The following BICD2 variants were observed in gnomAD, a reference collection of about 807,000 sequenced individuals.
BICD2 encodes the protein BICD cargo adaptor 2, also known as protein bicaudal D homolog 2.
BICD2 carries 25 observed loss-of-function variants against 72.9 expected under a neutral mutation model. The observed-to-expected ratio is 0.34, with a 90% CI of 0.25 to 0.48. The LOEUF (loss-of-function observed/expected upper bound fraction) is 0.48, where lower values mean the gene tolerates loss of function less well. Ranked by LOEUF, BICD2 falls within the 20% of genes least tolerant of loss-of-function variation. The probability of loss-of-function intolerance (pLI) is 0.99; values close to 1 mark genes in which losing one functional copy is unlikely to be tolerated. For missense variants in BICD2, 894 were observed against 1,175.2 expected (o/e 0.76, Z 3.50); for synonymous variants, 501 against 516.1 (o/e 0.97, Z 0.40).
intron 2 of BICD2, among the ~76,000 whole-genome samples, chr9:92,724,367 G>C (rs1853523763): frequency 6.6e-6 from 1 of 151,938 alleles, no homozygotes; most frequent in Non-Finnish European, 1.5e-5. Context: ...CCAAAACAAA[G>C]GAAAAAAGGA....
chr9:92,761,837 ACTAGC>A (rs1854378666), intron 1 of BICD2, among the ~76,000 whole-genome samples: 2 of 152,328 alleles, frequency 1.3e-5, no homozygotes, highest in Admixed American at 1.3e-4. Flanking sequence ...TCAAGAAATC[ACTAGC>A]AGAATGATTA....
intron 1 of BICD2, among the ~76,000 whole-genome samples, chr9:92,746,702 A>G (rs1385242530): frequency 1.3e-5 from 2 of 152,166 alleles, no homozygotes; most frequent in Admixed American, 1.3e-4. Context: ...TCATACAAGT[A>G]ACCGTCGTGA....
intron 1 of BICD2, among the ~76,000 whole-genome samples, chr9:92,733,891 C>T (rs944103466): frequency 5.3e-5 from 8 of 152,090 alleles, no homozygotes; most frequent in South Asian, 2.1e-4. Context: ...GGCGTGAACC[C>T]GGGAGGCGGA....
At position 92,719,213 on chromosome 9, in the gene BICD2, C is replaced by T. The variant is rs750611631; in HGVS notation, c.1432G>A (p.Gly478Ser). The change falls in exon 5 of 7, where the codon GGC becomes AGC. Residue 478 changes from glycine to serine, a missense_variant. By Grantham distance (56) the Gly-to-Ser change is moderately conservative. Around this residue, in one of 5 missense-constraint regions of BICD2, gnomAD observed 371 missense variants for 439.1 expected, o/e 0.84. Transcript: ENST00000356884. ...AEEKGRYEAE[G>S]QALTEKVSLL... ...GAGACCTTCTCCGTGAGTGCCTGGC[C>T]CTCAGCCTCATAGCGGCCCTTCTCC... 5.0e-6 allele frequency: 8 copies of T among 1,611,306 alleles called. No individual in the cohort carries two copies. In the Admixed American group the frequency reaches 1.3e-4, roughly 27 times the overall value.
At chr9:92,758,204 AAATAATAATAATAAT>A (rs147701766) in intron 1 of BICD2, among the ~76,000 whole-genome samples, 1 of 144,474 alleles carries the variant, frequency 6.9e-6, no homozygotes, top group East Asian at 2.0e-4. Context: ...ACTCTGTCTC[AAATAATAATAATAAT>A]AATAATAATA....
intron 1 of BICD2, among the ~76,000 whole-genome samples, chr9:92,735,381 T>C (rs1205521607): frequency 1.3e-5 from 2 of 151,868 alleles, no homozygotes; most frequent in Non-Finnish European, 2.9e-5. Flanking sequence ...GGGTAAGCTC[T>C]GGCCAGGAGG....
chr9:92,715,507 C>G, intron 6 of BICD2, 44 bp from the exon 7 acceptor site: 2 of 1,541,150 alleles, frequency 1.3e-6, no homozygotes, highest in Non-Finnish European at 1.8e-6. Context: ...CAGAGCCGAG[C>G]AGAGGAGGGC....
intron 6 of BICD2, among the ~76,000 whole-genome samples, chr9:92,716,870 T>C (rs2131497751): frequency 6.6e-6 from 1 of 152,200 alleles, no homozygotes; most frequent in African/African-American, 2.4e-5. Context: ...TCAGAGCCCA[T>C]TACTAAGAGC....
rs1853624486 is a variant in BICD2 at position 92,729,007 on chromosome 9, C to T, written c.453+17G>A. ...CACTGCTGCAGCCACAGACTAGGCC[C>T]CTCCTCACCCCCTCACCTCCTTCAG... On this transcript the variant is annotated intron_variant, in intron 2 of 6. Transcript: ENST00000356884. 2 of 1,612,146 alleles carry T rather than the reference C, an allele frequency of 1.2e-6. No individual in the cohort carries two copies. The highest frequency in any genetic ancestry group is 4.5e-5 in the East Asian group (2 of 44,824).
At chr9:92,763,050 G>A (rs541846898) in intron 1 of BICD2, among the ~76,000 whole-genome samples, 177 of 152,288 alleles carry the variant, frequency 1.2e-3, no homozygotes, top group Non-Finnish European at 5.3e-4. Context: ...CAGCGCCACT[G>A]GAGCATGCAT....
intron 1 of BICD2, among the ~76,000 whole-genome samples, chr9:92,749,999 G>A (rs1044835811): frequency 1.3e-5 from 2 of 152,232 alleles, no homozygotes; most frequent in South Asian, 2.1e-4. Flanking sequence ...TGCAGCCCGG[G>A]TTTTCTCCTG....
In BICD2 at chr9:92,713,444, C is replaced by G; in HGVS notation, c.*1710G>C. The stretch of plus-strand genomic sequence containing the variant: ...GACAGGGCCGGGTGGCCAAGTCCTC[C>G]TGGCAGCTACTCTACAGCTGAAAAC... On this transcript the variant is annotated 3_prime_UTR_variant, in exon 7 of 7. Transcript: ENST00000356884. 6.3e-7 allele frequency: 1 copy of G among 1,589,604 alleles called. No homozygotes were observed.
At chr9:92,762,107 G>C (rs1262130596) in intron 1 of BICD2, among the ~76,000 whole-genome samples, 2 of 152,088 alleles carry the variant, frequency 1.3e-5, no homozygotes, top group Admixed American at 1.3e-4. Flanking sequence ...ACTCCATTTG[G>C]AGCACAATTT....
intron 1 of BICD2, among the ~76,000 whole-genome samples, chr9:92,747,700 G>A (rs1854043241): frequency 1.3e-5 from 2 of 152,200 alleles, no homozygotes; most frequent in South Asian, 4.1e-4. Flanking sequence ...CACAGTGTGG[G>A]TGGGGCAAGG....
Position 92,714,848 on chromosome 9 carries a change from C to A in BICD2, c.*306G>T, listed in dbSNP as rs761055007. On this transcript the variant is annotated 3_prime_UTR_variant, in exon 7 of 7. Transcript: ENST00000356884. ...CCTCCCTTGGGTTTCCCCACGGGTG[C>A]GCAGGGCTTAGAAGATGCTTTCATC... 1 of 1,129,554 alleles carries A rather than the reference C, an allele frequency of 8.9e-7. No homozygotes were observed. The highest frequency in any genetic ancestry group is 1.1e-6 in the Non-Finnish European group (1 of 921,102). The allele number at this position is 1,129,554 out of a possible 1,614,324, so 70.0% of individuals were successfully genotyped here.
rs1411321253 is a variant in BICD2 at position 92,711,561 on chromosome 9, T to A, written c.*3593A>T. The A allele has an allele frequency of 6.6e-6, 1 of 152,592 alleles. No homozygotes were observed. Among genetic ancestry groups the A allele is most frequent in the East Asian group, 1.9e-4 (1 of 5,196 alleles). 9.5% of individuals were successfully genotyped at this position (152,592 alleles called of 1,614,324 possible). A position where few individuals can be genotyped will look rare whatever the true frequency, so the allele number is the denominator to read the frequency against. ...AGAAATTGAAGGCATTTGATTATTA[T>A]TTTTTTGTTTGGGTCTGTGTAAAGG... is the stretch of plus-strand genomic sequence containing the variant. On this transcript the variant is annotated 3_prime_UTR_variant, in exon 7 of 7. Transcript: ENST00000356884.
Position 92,718,825 on chromosome 9 carries a change from G to C in BICD2, c.1820C>G (p.Pro607Arg). 6.2e-7 allele frequency: 1 copy of C among 1,612,036 alleles called. No homozygotes were observed. Among genetic ancestry groups the C allele is most frequent in the Admixed American group, 1.7e-5 (1 of 59,788 alleles). The stretch of plus-strand genomic sequence containing the variant: ...TGATGGCAGTGAGGAGCCAGGCGAG[G>C]GGCTGCTGTCCCCCGTCCCACCATC... Reference protein sequence around the residue: ...RADGGTGDSSPSPGSSLPSPL... With the variant: ...RADGGTGDSSRSPGSSLPSPL... The change falls in exon 5 of 7, where the codon CCC (proline) becomes CGC (arginine). Residue 607 changes from proline to arginine, a missense_variant. By Grantham distance (103) the Pro-to-Arg change is moderately radical (BLOSUM62 -2). Transcript: ENST00000356884.
intron 1 of BICD2, among the ~76,000 whole-genome samples, chr9:92,737,160 C>G (rs768248952): frequency 2.0e-4 from 30 of 152,138 alleles, no homozygotes; most frequent in Non-Finnish European, 3.1e-4. Context: ...CTGTGGTGGG[C>G]GCCAATCACA....
intron 1 of BICD2, among the ~76,000 whole-genome samples, chr9:92,748,551 A>G (rs1244136045): frequency 6.6e-6 from 1 of 152,076 alleles, no homozygotes; most frequent in Non-Finnish European, 1.5e-5. Context: ...AGCCAGAAAT[A>G]GACCTGTTGA....
Sources: allele counts gnomAD v4.1 joint callset (sites outside exome capture counted in the v4.1 genomes callset), GRCh38; gene constraint gnomAD v4.1.1; regional missense constraint gnomAD v4.1.1; transcripts MANE v1.5; gene names NCBI Gene and HGNC (gene_info 2026-07-23, HGNC 2026-07-21).